The following REV3L variants were observed in gnomAD, a reference collection of about 807,000 sequenced individuals.
REV3L encodes REV3 like, DNA directed polymerase zeta catalytic subunit.
A neutral mutation model predicts 299.4 loss-of-function variants in REV3L; 69 were observed. The observed-to-expected ratio is 0.23, with a 90% CI of 0.19 to 0.28. The LOEUF is 0.28. REV3L is among the 10% of genes least tolerant of loss of function. REV3L has a pLI of 1.00. For synonymous variants in REV3L, 1,238 were observed against 1,271.4 expected (o/e 0.97, Z 0.56); for missense variants, 3,128 against 3,693.8 (o/e 0.85, Z 3.97).
chr6:111,409,143 G>T (rs1420024176), intron 3 of REV3L, among the ~76,000 whole-genome samples: 2 of 152,150 alleles, frequency 1.3e-5, no homozygotes, highest in African/African-American at 4.8e-5. Flanking sequence ...TATTACATCA[G>T]CTTCTGTTCA....
chr6:111,336,917 G>C (rs539252374), intron 21 of REV3L, among the ~76,000 whole-genome samples: 1 of 152,274 alleles, frequency 6.6e-6, no homozygotes, highest in African/African-American at 2.4e-5. Flanking sequence ...AGCCACAAAA[G>C]ATTACATATT....
chr6:111,437,977 C>T (rs529404184), intron 1 of REV3L, among the ~76,000 whole-genome samples: 8 of 151,892 alleles, frequency 5.3e-5, no homozygotes, highest in South Asian at 4.2e-4. Context: ...TTCAGCCTCT[C>T]GAGTAGCTGG....
chr6:111,338,311 CCTTTTT>C (rs1776119682), intron 21 of REV3L, among the ~76,000 whole-genome samples: 3 of 49,034 alleles, frequency 6.1e-5, no homozygotes, highest in Non-Finnish European at 6.9e-5. Context: ...AGTCTAAAGT[CCTTTTT>C]TTTTTTTTTT....
chr6:111,441,011 T>C (rs967863470), intron 1 of REV3L, among the ~76,000 whole-genome samples: 25 of 152,224 alleles, frequency 1.6e-4, no homozygotes, highest in African/African-American at 5.3e-4. Flanking sequence ...TCGCCTCTGG[T>C]TTCTTTCAAA....
At chr6:111,317,866 T>C (rs2114757701) in intron 26 of REV3L, among the ~76,000 whole-genome samples, 1 of 152,334 alleles carries the variant, frequency 6.6e-6, no homozygotes, top group South Asian at 2.1e-4. Context: ...CTGTCTTCTT[T>C]CACTCAGCAT....
rs1224443729 is a variant in REV3L, at chr6:111,331,801, C to T, written c.7926-17G>A. On this transcript the variant is annotated splice_polypyrimidine_tract_variant and intron_variant, in intron 23 of 31. Coordinates refer to ENST00000368802, the MANE Select transcript of REV3L (RefSeq NM_001372078.1). ...TCATCATACCTGTTAAGAAAGAGAA[C>T]ATTAAGCAAATACTTCCTCAAATCA... The T allele has an allele frequency of 6.7e-7, 1 of 1,491,312 alleles. No individual in the cohort carries two copies. The highest frequency in any genetic ancestry group is 1.7e-5 in the Admixed American group (1 of 57,750). 92.4% of individuals were successfully genotyped at this position (1,491,312 alleles called of 1,614,324 possible).
At chr6:111,313,737 A>G (rs1431278825) in intron 27 of REV3L, among the ~76,000 whole-genome samples, 2 of 152,196 alleles carry the variant, frequency 1.3e-5, no homozygotes, top group Admixed American at 1.3e-4. Flanking sequence ...AAGTATAAAC[A>G]CTTTAGCTTG....
rs1353544908 is a variant in REV3L, at chr6:111,322,670, A to T, written c.8250T>A (p.Asp2750Glu). ...TCTCTCTGGCTTTGTGAACAATACTATCGCCAACCTGTTGGTACAAACACA... is the reference window on the plus strand; with the variant it reads ...TCTCTCTGGCTTTGTGAACAATACTTTCGCCAACCTGTTGGTACAAACACA... ...SGRMPCIEVGDSIVHKARETL... is the reference protein window; with the variant it reads ...SGRMPCIEVGESIVHKARETL... Residue 2750 changes from aspartate to glutamate, a missense_variant, in exon 26 of 32, where the codon GAT becomes GAA. Coordinates refer to ENST00000368802, the MANE Select transcript of REV3L (RefSeq NM_001372078.1). 1.2e-6 allele frequency: 2 copies of T among 1,613,514 alleles called. No homozygotes were observed. The highest frequency in any genetic ancestry group is 1.7e-6 in the Non-Finnish European group (2 of 1,179,532).
In REV3L at chr6:111,303,701, C is replaced by CTTTTTTTTTTTTT. The variant is rs58366929; in HGVS notation, c.9253-3558_9253-3546dup. ...TTTTTTTTTTTTTAACAGACTATGA[C>CTTTTTTTTTTTTT]TTTTTTTTTTTTTTTTTTTTTTTTT... On this transcript the variant is annotated intron_variant, in intron 31 of 31. Coordinates refer to ENST00000368802, the MANE Select transcript of REV3L (RefSeq NM_001372078.1). Among the ~76,000 whole-genome samples the CTTTTTTTTTTTTT allele has an allele frequency of 7.1e-4, 9 of 12,642 alleles. 1 individual carries two copies. The highest frequency in any genetic ancestry group is 9.5e-4 in the African/African-American group (4 of 4,208). The allele number at this position is 12,642 out of a possible 152,430, so 8.3% of individuals were successfully genotyped here.
rs73765964 is a variant in REV3L at position 111,425,079 on chromosome 6, C to T, written c.140-8607G>A. 2.0e-5 allele frequency among the ~76,000 whole-genome samples: 3 copies of T among 152,148 alleles called. No individual in the cohort carries two copies. In the South Asian group the frequency reaches 6.2e-4, roughly 32 times the overall value. On this transcript the variant is annotated intron_variant, in intron 1 of 31. Coordinates refer to ENST00000368802, the MANE Select transcript of REV3L (RefSeq NM_001372078.1). ...GCTCTGCCCCAACATACTCACAGAG[C>T]CCCTCAGCAAAAGCTGAGAAAAGAG...
At chr6:111,472,092 A>G (rs894706865) in intron 1 of REV3L, 80 of 1,262,278 alleles carry the variant, frequency 6.3e-5, no homozygotes, top group Non-Finnish European at 7.9e-5. Flanking sequence ...TAATATGATG[A>G]CAGTTTAATT....
intron 31 of REV3L, among the ~76,000 whole-genome samples, chr6:111,301,195 G>T (rs749269618): frequency 6.6e-6 from 1 of 152,146 alleles, no homozygotes; most frequent in African/African-American, 2.4e-5. Context: ...CCAGCCTGGC[G>T]AATTCTAGTC....
intron 1 of REV3L, among the ~76,000 whole-genome samples, chr6:111,461,927 A>G (rs1329896870): frequency 6.6e-6 from 1 of 152,186 alleles, no homozygotes; most frequent in Non-Finnish European, 1.5e-5. Flanking sequence ...GTTGATAAAT[A>G]TAAACAATCT....
At chr6:111,481,581 T>C (rs1055500375) in intron 1 of REV3L, among the ~76,000 whole-genome samples, 1 of 152,212 alleles carries the variant, frequency 6.6e-6, no homozygotes, top group Non-Finnish European at 1.5e-5. Context: ...ATTATCTTGG[T>C]AGTCCACAGA....
rs3218594 is a variant in REV3L, at chr6:111,375,736, C to T, written c.2619G>A (p.Leu873=). ...GAGTGGTTTTAGTTAAATCACTAGC[C>T]AATGCATTATCCTTCTCAGGATTAC... ...CNSNPEKDNA[L]ASDLTKTTRG... The change falls in exon 13 of 32, where the codon TTG becomes TTA. Residue 873 remains leucine (L), a synonymous_variant. Coordinates refer to ENST00000368802, the MANE Select transcript of REV3L (RefSeq NM_001372078.1). 1,156 of 1,613,550 alleles carry T rather than the reference C, an allele frequency of 7.2e-4. 1 individual carries two copies. The African/African-American group carries it at 0.011, about 15-fold the overall frequency.
chr6:111,366,244 A>C (rs1779196165), intron 14 of REV3L, among the ~76,000 whole-genome samples: 1 of 152,144 alleles, frequency 6.6e-6, no homozygotes, highest in South Asian at 2.1e-4. Context: ...ATTGGTTTTT[A>C]AAATACTAAT....
chr6:111,410,450 G>A (rs1013886271), intron 3 of REV3L, among the ~76,000 whole-genome samples: 6 of 152,170 alleles, frequency 3.9e-5, no homozygotes, highest in Admixed American at 2.0e-4. Flanking sequence ...ACTTGTGGAC[G>A]AGAAAGGGAA....
At chr6:111,342,621 C>T (rs1430611312) in intron 21 of REV3L, among the ~76,000 whole-genome samples, 6 of 150,590 alleles carry the variant, frequency 4.0e-5, no homozygotes, top group African/African-American at 9.7e-5. Flanking sequence ...TGAGCAGAGA[C>T]TGTGCCACTG....
At chr6:111,394,419 G>A (rs1490420463) in intron 4 of REV3L, among the ~76,000 whole-genome samples, 2 of 152,010 alleles carry the variant, frequency 1.3e-5, no homozygotes, top group South Asian at 2.1e-4. Context: ...TATACCTGCC[G>A]GCCATTTGTA....
Sources: gnomAD v4.1 joint callset for allele counts (sites outside exome capture counted in the v4.1 genomes callset) on GRCh38, gnomAD v4.1.1 for gene constraint, MANE v1.5 for transcripts, NCBI Gene and HGNC (gene_info 2026-07-23, HGNC 2026-07-21) for gene names.